Variants in RBFOX1 observed in about 807,000 individuals in gnomAD.
RBFOX1 encodes RNA binding protein fox-1 homolog 1.
In RBFOX1, 8 loss-of-function variants were observed where a neutral mutation model predicts 57.7. The ratio of observed to expected loss-of-function variants is 0.14; its 90% CI spans 0.08 to 0.25. The LOEUF (loss-of-function observed/expected upper bound fraction) is 0.25, where lower values mean the gene tolerates loss of function less well. Ranked by LOEUF, RBFOX1 falls within the 10% of genes least tolerant of loss-of-function variation. The pLI is 1.00. For synonymous variants in RBFOX1, 326 were observed against 222.4 expected (o/e 1.47, Z -4.15); for missense variants, 611 against 548.5 (o/e 1.11, Z -1.14).
intron 4 of RBFOX1, among the ~76,000 whole-genome samples, chr16:7,139,770 T>C (rs956890187): frequency 1.3e-5 from 2 of 152,128 alleles, no homozygotes; most frequent in African/African-American, 4.8e-5. Flanking sequence ...CTTTTTTTTT[T>C]AAGTTCATCG....
intron 4 of RBFOX1, among the ~76,000 whole-genome samples, chr16:7,127,605 A>C (rs1330157179): frequency 6.6e-6 from 1 of 152,146 alleles, no homozygotes; most frequent in Non-Finnish European, 1.5e-5. Context: ...TGGTGTGAAT[A>C]AGTTGAGAGT....
At chr16:5,385,169 T>C (rs563331644) in intron 1 of RBFOX1, among the ~76,000 whole-genome samples, 22 of 152,364 alleles carry the variant, frequency 1.4e-4, no homozygotes, top group African/African-American at 5.3e-4. Context: ...ACGTGCTTTT[T>C]TTCTCATTCA....
chr16:6,624,018 A>C (rs556537475), intron 2 of RBFOX1, among the ~76,000 whole-genome samples: 24 of 152,314 alleles, frequency 1.6e-4, no homozygotes, highest in African/African-American at 5.8e-4. Context: ...GAGTCGCCAC[A>C]CTGACTTCCA....
chr16:6,927,414 C>CAAAA (rs1194663760), intron 3 of RBFOX1, among the ~76,000 whole-genome samples: 11,551 of 52,952 alleles, frequency 0.22, 2,394 homozygotes, highest in East Asian at 0.31. Context: ...CGCTTTCTCA[C>CAAAA]AAAAAAAAAA....
At chr16:6,767,342 C>T (rs2077477499) in intron 3 of RBFOX1, among the ~76,000 whole-genome samples, 1 of 152,088 alleles carries the variant, frequency 6.6e-6, no homozygotes, top group South Asian at 2.1e-4. Flanking sequence ...AATTGATGGC[C>T]ATTTCTCTGC....
chr16:5,245,287 G>C lies in RBFOX1; in HGVS notation c.219+5182G>C, dbSNP rs903919046. ...AATGGTCAAGTCTGATCTCAGGGCT[G>C]ACAGTGTCAGGCAAGGACAGGAAGT... On this transcript the variant is annotated intron_variant, in intron 1 of 2. Transcript: ENST00000585867. Among the ~76,000 whole-genome samples the C allele has an allele frequency of 9.2e-5, 14 of 152,204 alleles. No homozygotes were observed. In the East Asian group the frequency reaches 2.5e-3, roughly 27 times the overall value.
chr16:5,351,847 A>G (rs2065268813), intron 1 of RBFOX1, among the ~76,000 whole-genome samples: 1 of 152,172 alleles, frequency 6.6e-6, no homozygotes. Context: ...CTTGTTGCCC[A>G]GGCTGGAGTA....
At chr16:7,143,377 C>T (rs2074252240) in intron 4 of RBFOX1, among the ~76,000 whole-genome samples, 1 of 151,974 alleles carries the variant, frequency 6.6e-6, no homozygotes, top group Non-Finnish European at 1.5e-5. Flanking sequence ...CATTAAACGA[C>T]CCAAGAAAAT....
chr16:7,454,191 C>T (rs9925012), intron 4 of RBFOX1, among the ~76,000 whole-genome samples: 60,196 of 151,900 alleles, frequency 0.4, 12,228 homozygotes, highest in Non-Finnish European at 0.45. Flanking sequence ...CGAAATCATG[C>T]CACGGCACTC....
intron 3 of RBFOX1, among the ~76,000 whole-genome samples, chr16:6,680,844 G>A (rs28642088): frequency 3.3e-5 from 5 of 152,118 alleles, no homozygotes; most frequent in Non-Finnish European, 4.4e-5. Flanking sequence ...GTTAAAACAT[G>A]AATGAAGTAC....
intron 1 of RBFOX1, among the ~76,000 whole-genome samples, chr16:5,405,851 G>A (rs1304225096): frequency 1.3e-5 from 2 of 152,138 alleles, no homozygotes; most frequent in East Asian, 3.9e-4. Flanking sequence ...CTATTTTTGA[G>A]TGTAGTTGTG....
chr16:5,288,165 A>T (rs560458632), intron 1 of RBFOX1, among the ~76,000 whole-genome samples: 1 of 152,310 alleles, frequency 6.6e-6, no homozygotes, highest in Admixed American at 6.5e-5. Flanking sequence ...AATTTTGACA[A>T]AGTTGTTTTC....
intron 4 of RBFOX1, among the ~76,000 whole-genome samples, chr16:5,926,006 G>C (rs1236720197): frequency 1.3e-5 from 2 of 152,186 alleles, no homozygotes; most frequent in Admixed American, 6.5e-5. Flanking sequence ...TGTGGTAGCA[G>C]TCAGACTACC....
intron 4 of RBFOX1, among the ~76,000 whole-genome samples, chr16:7,072,974 C>T (rs1459513710): frequency 1.3e-5 from 2 of 152,170 alleles, no homozygotes; most frequent in Non-Finnish European, 2.9e-5. Flanking sequence ...GAGTTCTTGG[C>T]TGAGGAATAA....
At chr16:5,323,111 C>T (rs2064459611) in intron 1 of RBFOX1, among the ~76,000 whole-genome samples, 2 of 152,180 alleles carry the variant, frequency 1.3e-5, no homozygotes, top group African/African-American at 4.8e-5. Flanking sequence ...TGATAAGGAT[C>T]AAGTGATTTA....
At chr16:6,886,742 G>T (rs556484701) in intron 3 of RBFOX1, among the ~76,000 whole-genome samples, 1 of 143,666 alleles carries the variant, frequency 7.0e-6, no homozygotes, top group African/African-American at 2.6e-5. Context: ...GCAAGCAAGT[G>T]AGACTCTATC....
chr16:5,817,155 T>C (rs931122884), intron 3 of RBFOX1, among the ~76,000 whole-genome samples: 1 of 152,186 alleles, frequency 6.6e-6, no homozygotes, highest in Non-Finnish European at 1.5e-5. Flanking sequence ...TCTTGCACTC[T>C]TGTGCACTCT....
At chr16:7,155,040 G>A (rs1008899066) in intron 4 of RBFOX1, among the ~76,000 whole-genome samples, 3 of 152,038 alleles carry the variant, frequency 2.0e-5, no homozygotes, top group Admixed American at 6.6e-5. Flanking sequence ...GGAATATTTT[G>A]TGTGGCGGAG....
chr16:5,786,121 C>T (rs1415678752), intron 3 of RBFOX1, among the ~76,000 whole-genome samples: 18 of 152,206 alleles, frequency 1.2e-4, no homozygotes. Context: ...CTTGGTGATT[C>T]AGACTTTGCT....
Sources: gnomAD v4.1 joint callset for allele counts (sites outside exome capture counted in the v4.1 genomes callset) on GRCh38, gnomAD v4.1.1 for gene constraint, MANE v1.5 for transcripts, NCBI Gene and HGNC (gene_info 2026-07-23, HGNC 2026-07-21) for gene names.